The following FAM193B variants were observed in gnomAD, a reference collection of about 807,000 sequenced individuals.
FAM193B encodes family with sequence similarity 193 member B, also known as protein FAM193B.
Under a neutral mutation model 70.7 loss-of-function variants are expected in FAM193B, and 27 were observed. The ratio of observed to expected loss-of-function variants is 0.38; its 90% CI spans 0.28 to 0.53. The LOEUF (loss-of-function observed/expected upper bound fraction) is 0.53. Ranked by LOEUF, FAM193B falls within the 20% of genes least tolerant of loss-of-function variation. The pLI is 0.81. For synonymous variants in FAM193B, 448 were observed against 436.0 expected (o/e 1.03, Z -0.34); for missense variants, 1,022 against 1,072.5 (o/e 0.95, Z 0.66).
chr5:177,526,758 C>T (rs2127454356), intron 5 of FAM193B, among the ~76,000 whole-genome samples: 1 of 152,280 alleles, frequency 6.6e-6, no homozygotes, highest in South Asian at 2.1e-4. Flanking sequence ...GAGGAGGTGG[C>T]TAGGAAGTGG....
At chr5:177,553,205 G>A (rs1053709396) in intron 1 of FAM193B, 4 of 985,710 alleles carry the variant, frequency 4.1e-6, no homozygotes, top group African/African-American at 3.5e-5. Context: ...AGGCTGTCAA[G>A]AGCCATGCCT....
chr5:177,542,298 G>GC (rs2127480108), intron 1 of FAM193B, among the ~76,000 whole-genome samples: 1 of 152,332 alleles, frequency 6.6e-6, no homozygotes, highest in Admixed American at 6.5e-5. Flanking sequence ...AAGATGCTGG[G>GC]CTAGTTCTAC....
rs1216887380 is a variant in FAM193B at position 177,554,383 on chromosome 5, G to A, written c.76C>T (p.Pro26Ser). The A allele has an allele frequency of 8.4e-7, 1 of 1,192,990 alleles. No homozygotes were observed. Among genetic ancestry groups the A allele is most frequent in the African/African-American group, 1.6e-5 (1 of 62,484 alleles). The allele number at this position is 1,192,990 out of a possible 1,614,324, so 73.9% of individuals were successfully genotyped here. A position where few individuals can be genotyped will look rare whatever the true frequency, so the allele number is the denominator to read the frequency against. Residue 26 changes from proline (P) to serine (S), a missense_variant, in exon 1 of 9, where the codon CCC becomes TCC. Transcript: ENST00000514747. ...ERARAAGPQK[P>S]QAPEPPPPPS... ...GGCGGCGGGGGCTCGGGCGCCTGGGGCTTCTGCGGCCCCGCGGCCCGAGCC... is the reference window on the plus strand; with the variant it reads ...GGCGGCGGGGGCTCGGGCGCCTGGGACTTCTGCGGCCCCGCGGCCCGAGCC...
chr5:177,553,989 C>T, intron 1 of FAM193B: 3 of 1,267,974 alleles, frequency 2.4e-6, no homozygotes, highest in Non-Finnish European at 3.0e-6. Context: ...TGTGGGTGTA[C>T]GGCCGGAACG....
intron 5 of FAM193B, among the ~76,000 whole-genome samples, chr5:177,527,414 A>C (rs1019004197): frequency 2.6e-5 from 4 of 152,108 alleles, no homozygotes; most frequent in Non-Finnish European, 4.4e-5. Context: ...TAGGGTGGAG[A>C]GCGGTGGACT....
intron 1 of FAM193B, among the ~76,000 whole-genome samples, chr5:177,542,229 C>T (rs543884505): frequency 3.9e-5 from 6 of 152,198 alleles, no homozygotes; most frequent in South Asian, 2.1e-4. Flanking sequence ...GGCACTGGGG[C>T]GCAGTGGAAA....
chr5:177,549,379 G>A (rs771843959), intron 1 of FAM193B, among the ~76,000 whole-genome samples: 1 of 151,920 alleles, frequency 6.6e-6, no homozygotes, highest in Non-Finnish European at 1.5e-5. Flanking sequence ...ATTTTTAGTA[G>A]AGACAGGGTT....
rs752383224 is a variant in FAM193B at position 177,524,047 on chromosome 5, C to T, written c.2297-15G>A. 3 of 1,613,928 alleles carry T rather than the reference C, an allele frequency of 1.9e-6. No homozygotes were observed. The highest frequency in any genetic ancestry group is 1.7e-6 in the Non-Finnish European group (2 of 1,179,896). On this transcript the variant is annotated splice_polypyrimidine_tract_variant and intron_variant, in intron 6 of 8. Transcript: ENST00000514747. The stretch of plus-strand genomic sequence containing the variant: ...GAACACATCGTCTAGGAAGACACAG[C>T]CAGGAGGGCTCAGTGCCCATGGCCA...
At chr5:177,552,079 A>T in intron 1 of FAM193B, 1 of 985,326 alleles carries the variant, frequency 1.0e-6, no homozygotes, top group Non-Finnish European at 1.2e-6. Context: ...TGACACCTAC[A>T]GTTGGAGTCA....
intron 4 of FAM193B, among the ~76,000 whole-genome samples, chr5:177,534,291 ATT>A (rs372141424): frequency 3.0e-4 from 41 of 134,770 alleles, no homozygotes; most frequent in African/African-American, 8.6e-4. Flanking sequence ...AGCAAAACTG[ATT>A]TTTTTTTTTT....
At chr5:177,524,089 C>T in intron 6 of FAM193B, 57 bp from the exon 7 acceptor site, 2 of 1,613,184 alleles carry the variant, frequency 1.2e-6, no homozygotes, top group Non-Finnish European at 8.5e-7. Context: ...TGGGGTTATG[C>T]TCTGGGGGCA....
At chr5:177,548,139 C>G (rs335424) in intron 1 of FAM193B, among the ~76,000 whole-genome samples, 61,996 of 152,078 alleles carry the variant, frequency 0.41, 13,156 homozygotes, top group South Asian at 0.47. Flanking sequence ...GTTACATCCT[C>G]TTAAGTCCAC....
At chr5:177,552,109 GCT>G (rs1317976294) in intron 1 of FAM193B, 2 of 975,262 alleles carry the variant, frequency 2.1e-6, no homozygotes, top group African/African-American at 3.5e-5. Flanking sequence ...ATGTTTAGTT[GCT>G]CTGAGTTTCT....
At chr5:177,523,650 C>T (rs777751244) in intron 7 of FAM193B, among the ~76,000 whole-genome samples, 7 of 152,252 alleles carry the variant, frequency 4.6e-5, no homozygotes, top group Non-Finnish European at 8.8e-5. Flanking sequence ...GACCTCAGCC[C>T]AGGCAAAGCA....
At chr5:177,546,722 A>C (rs1418061522) in intron 1 of FAM193B, among the ~76,000 whole-genome samples, 1 of 152,212 alleles carries the variant, frequency 6.6e-6, no homozygotes, top group Non-Finnish European at 1.5e-5. Context: ...AGGAGGTAGA[A>C]CAGCTGTTTC....
chr5:177,526,163 C>G (rs544150334), intron 5 of FAM193B, among the ~76,000 whole-genome samples: 2 of 152,336 alleles, frequency 1.3e-5, no homozygotes, highest in African/African-American at 4.8e-5. Context: ...CCCTGCGTCC[C>G]AGCAGGCACT....
intron 5 of FAM193B, among the ~76,000 whole-genome samples, chr5:177,527,437 C>CTGATA (rs1399049264): frequency 6.6e-6 from 1 of 152,150 alleles, no homozygotes; most frequent in Non-Finnish European, 1.5e-5. Flanking sequence ...TCTGAGCTAT[C>CTGATA]AGCGATGTGG....
At chr5:177,541,608 A>C (rs1365375962) in intron 1 of FAM193B, among the ~76,000 whole-genome samples, 6 of 151,882 alleles carry the variant, frequency 4.0e-5, no homozygotes, top group African/African-American at 1.5e-4. Flanking sequence ...TTTAGTGGAG[A>C]CGGGGTTTCA....
At position 177,524,828 on chromosome 5, in the gene FAM193B, G is replaced by T. The variant is rs367988865; in HGVS notation, c.1653C>A (p.Gly551=). Residue 551 remains glycine (G), a synonymous_variant, in exon 6 of 9, where the codon GGC becomes GGA. Transcript: ENST00000514747. ...TTTCTGCCCATGGTGGGGCTGGCTCGCCTGGAGCTTGTAACGTGTGGTTCT... is the reference window on the plus strand; with the variant it reads ...TTTCTGCCCATGGTGGGGCTGGCTCTCCTGGAGCTTGTAACGTGTGGTTCT... ...SPQNHTLQAP[G]EPAPPWAEMR... is the part of the protein sequence containing the mutation. The T allele has an allele frequency of 3.3e-6, 5 of 1,510,590 alleles. No individual in the cohort carries two copies. The highest frequency in any genetic ancestry group is 4.6e-5 in the East Asian group (2 of 43,602). The allele number at this position is 1,510,590 out of a possible 1,614,324, so 93.6% of individuals were successfully genotyped here.
Sources: gnomAD v4.1 joint callset for allele counts (sites outside exome capture counted in the v4.1 genomes callset) on GRCh38, gnomAD v4.1.1 for gene constraint, MANE v1.5 for transcripts, NCBI Gene and HGNC (gene_info 2026-07-23, HGNC 2026-07-21) for gene names.